The following TMEFF1 variants were observed in gnomAD, a reference collection of about 807,000 sequenced individuals.
The protein encoded by TMEFF1 is tomoregulin-1.
A neutral mutation model predicts 47.5 loss-of-function variants in TMEFF1; 20 were observed. The ratio of observed to expected loss-of-function variants is 0.42; its 90% CI spans 0.30 to 0.61. The LOEUF is 0.61. Among genes scored for constraint, TMEFF1 ranks in the 20% least tolerant of loss-of-function variants. TMEFF1 has a pLI of 0.19. For missense variants in TMEFF1, 411 were observed against 471.1 expected (o/e 0.87, Z 1.18); for synonymous variants, 162 against 166.3 (o/e 0.97, Z 0.20).
intron 3 of TMEFF1, among the ~76,000 whole-genome samples, chr9:100,510,924 C>T (rs1837952532): frequency 6.6e-6 from 1 of 152,146 alleles, no homozygotes; most frequent in Admixed American, 6.5e-5. Context: ...CCAGCCCCAA[C>T]CCTAAGACTT....
intron 1 of TMEFF1, among the ~76,000 whole-genome samples, chr9:100,476,853 T>C (rs1051776629): frequency 2.0e-5 from 3 of 151,892 alleles, no homozygotes; most frequent in Non-Finnish European, 4.4e-5. Flanking sequence ...CCCGCCACCA[T>C]GCCCGGCTAA....
intron 5 of TMEFF1, among the ~76,000 whole-genome samples, chr9:100,534,498 C>T (rs920940158): frequency 3.3e-5 from 5 of 152,166 alleles, no homozygotes; most frequent in African/African-American, 1.2e-4. Context: ...CTTTGGGCAT[C>T]CTGACCTCTG....
Position 100,547,832 on chromosome 9 carries a change from C to T in TMEFF1, c.649C>T (p.Arg217Ter), listed in dbSNP as rs149049994. Residue 217 changes from arginine to a stop codon, truncating the protein, a stop_gained, in exon 6 of 10, where the codon CGA becomes TGA. Coordinates refer to ENST00000374879, the MANE Select transcript of TMEFF1 (RefSeq NM_003692.5). LOFTEE classifies it high-confidence loss of function. ...GSSYNNPCFVREASCIKQEQI... is the reference protein window; with the variant it reads ...GSSYNNPCFV ...TTCCTATAACAATCCCTGTTTTGTT[C>T]GAGAAGCATCTTGTATAAAGCAAGA... is the stretch of plus-strand genomic sequence containing the variant. 1.8e-5 allele frequency: 29 copies of T among 1,610,064 alleles called. No individual in the cohort carries two copies. The highest frequency in any genetic ancestry group is 2.2e-5 in the East Asian group (1 of 44,574).
intron 1 of TMEFF1, among the ~76,000 whole-genome samples, chr9:100,479,679 G>A (rs1837303958): frequency 6.6e-6 from 1 of 152,182 alleles, no homozygotes; most frequent in Non-Finnish European, 1.5e-5. Context: ...GTGCATCCAT[G>A]TTGTAGTGTG....
At chr9:100,482,459 A>G (rs547878504) in intron 1 of TMEFF1, among the ~76,000 whole-genome samples, 1 of 152,174 alleles carries the variant, frequency 6.6e-6, no homozygotes, top group African/African-American at 2.4e-5. Context: ...CGGCCTCCCA[A>G]AGTGCTGGGA....
At chr9:100,496,753 G>C (rs1387029275) in intron 1 of TMEFF1, among the ~76,000 whole-genome samples, 1 of 152,184 alleles carries the variant, frequency 6.6e-6, no homozygotes, top group African/African-American at 2.4e-5. Context: ...TCATAACTCA[G>C]AGTATTATCT....
rs574592361 is a variant in TMEFF1 at position 100,516,495 on chromosome 9, G to A, written c.464-180G>A. The stretch of plus-strand genomic sequence containing the variant: ...AAAACTTGTTTTCCTCACAAAATAT[G>A]TTGTACTCAGTACTGGCAACATTTT... On this transcript the variant is annotated intron_variant, in intron 4 of 9. Coordinates refer to ENST00000374879, the MANE Select transcript of TMEFF1 (RefSeq NM_003692.5). Among the ~76,000 whole-genome samples the A allele has an allele frequency of 7.2e-5, 11 of 152,272 alleles. No individual in the cohort carries two copies. The East Asian group carries it at 1.9e-3, about 27-fold the overall frequency.
intron 8 of TMEFF1, among the ~76,000 whole-genome samples, chr9:100,565,528 T>C (rs1839110084): frequency 6.6e-6 from 1 of 152,208 alleles, no homozygotes; most frequent in Non-Finnish European, 1.5e-5. Context: ...GTGGGCCCTT[T>C]ATGCTGCCCT....
chr9:100,547,632 T>C, intron 5 of TMEFF1, 112 bp from the exon 6 acceptor site: 2 of 1,250,212 alleles, frequency 1.6e-6, no homozygotes, highest in South Asian at 5.4e-5. Flanking sequence ...CTTAAAACAA[T>C]ATATTGACTT....
chr9:100,503,725 A>G (rs1837808375), intron 2 of TMEFF1, among the ~76,000 whole-genome samples: 1 of 152,156 alleles, frequency 6.6e-6, no homozygotes, highest in African/African-American at 2.4e-5. Flanking sequence ...CCAGGAGAAG[A>G]TCGATGTCCT....
At chr9:100,572,389 A>G in intron 8 of TMEFF1, 129 bp from the exon 9 acceptor site, 5 of 1,049,404 alleles carry the variant, frequency 4.8e-6, no homozygotes, top group Non-Finnish European at 6.3e-6. Flanking sequence ...TTTCCCCCAG[A>G]TGGTAGGAAA....
intron 1 of TMEFF1, among the ~76,000 whole-genome samples, chr9:100,477,227 A>G (rs1837251655): frequency 6.6e-6 from 1 of 152,180 alleles, no homozygotes; most frequent in Non-Finnish European, 1.5e-5. Context: ...CCTGCGACAT[A>G]TTACTGGAGA....
intron 8 of TMEFF1, among the ~76,000 whole-genome samples, chr9:100,562,049 G>T (rs562963518): frequency 3.0e-4 from 46 of 152,118 alleles, no homozygotes; most frequent in Middle Eastern, 3.2e-3. Flanking sequence ...AAAAAACTAA[G>T]TCTCAGACTT....
intron 7 of TMEFF1, among the ~76,000 whole-genome samples, chr9:100,553,814 C>T (rs903785141): frequency 6.6e-6 from 1 of 152,148 alleles, no homozygotes; most frequent in Non-Finnish European, 1.5e-5. Flanking sequence ...TATACTTCCA[C>T]CCGTGTGATT....
intron 6 of TMEFF1, among the ~76,000 whole-genome samples, chr9:100,549,764 A>G (rs549516094): frequency 4.1e-4 from 63 of 152,302 alleles, no homozygotes; most frequent in African/African-American, 1.5e-3. Context: ...ATCTTGAGGC[A>G]GTTGTCTTTT....
intron 1 of TMEFF1, among the ~76,000 whole-genome samples, chr9:100,497,742 T>C (rs972205550): frequency 1.3e-5 from 2 of 152,158 alleles, no homozygotes; most frequent in African/African-American, 4.8e-5. Context: ...GGAATGGGGA[T>C]AACTGGAGAA....
intron 8 of TMEFF1, among the ~76,000 whole-genome samples, chr9:100,565,635 C>T (rs1350093916): frequency 6.6e-6 from 1 of 152,180 alleles, no homozygotes; most frequent in African/African-American, 2.4e-5. Flanking sequence ...AGTACCTCCT[C>T]TCTCATCCTC....
chr9:100,511,199 T>G (rs1196699488), intron 3 of TMEFF1, among the ~76,000 whole-genome samples: 1 of 152,244 alleles, frequency 6.6e-6, no homozygotes, highest in Non-Finnish European at 1.5e-5. Flanking sequence ...CAAAATGATC[T>G]AGAAATTAAA....
intron 7 of TMEFF1, among the ~76,000 whole-genome samples, chr9:100,555,548 C>T (rs546267346): frequency 3.3e-5 from 5 of 152,134 alleles, no homozygotes; most frequent in African/African-American, 9.6e-5. Context: ...AATAGCTGTG[C>T]GTGTTGATTT....
Sources: allele counts gnomAD v4.1 joint callset (sites outside exome capture counted in the v4.1 genomes callset), GRCh38; gene constraint gnomAD v4.1.1; transcripts MANE v1.5; gene names NCBI Gene and HGNC (gene_info 2026-07-23, HGNC 2026-07-21).